DNASE2: variants seen among roughly 807,000 people sequenced by gnomAD.
The protein encoded by DNASE2 is deoxyribonuclease 2, lysosomal, also known as deoxyribonuclease-2-alpha.
DNASE2 carries 26 observed loss-of-function variants against 29.8 expected under a neutral mutation model. That is an observed-to-expected ratio of 0.87 (90% CI 0.64 to 1.21). The LOEUF is 1.21. DNASE2 is among the 50% of genes most tolerant of loss of function. The pLI is 0.00. For missense variants in DNASE2, 415 were observed against 455.6 expected, an observed-to-expected ratio of 0.91 and a Z score of 0.81; for synonymous variants, 186 against 193.5, an observed-to-expected ratio of 0.96 and a Z score of 0.32.
At chr19:12,876,893 G>T (rs1255750920) in intron 5 of DNASE2, among the ~76,000 whole-genome samples, 1 of 151,604 alleles carries the variant, frequency 6.6e-6, no homozygotes, top group Admixed American at 6.6e-5. Flanking sequence ...TGTAATCTCG[G>T]CACACTGCAA....
In DNASE2 at chr19:12,876,068, T is replaced by C. The variant is rs1970316395; in HGVS notation, c.1005A>G (p.Lys335=). The C allele has an allele frequency of 6.2e-7, 1 of 1,614,082 alleles. No individual in the cohort carries two copies. Among genetic ancestry groups the C allele is most frequent in the Non-Finnish European group, 8.5e-7 (1 of 1,180,008 alleles). ...TLCAQLPALW[K]AFQPLVKNYQ... ...AGTTCTTCACCAGCGGCTGGAAGGC[T>C]TTCCAGAGGGCTGGCAGCTGGGCAC... The change falls in exon 6 of 6, where the codon AAA becomes AAG. Residue 335 remains lysine, a synonymous_variant. Coordinates refer to ENST00000222219, the MANE Select transcript of DNASE2 (RefSeq NM_001375.3).
In DNASE2 at chr19:12,878,432, T is replaced by C; in HGVS notation, c.659A>G (p.Gln220Arg). 1.2e-6 allele frequency: 2 copies of C among 1,613,590 alleles called. No individual in the cohort carries two copies. The highest frequency in any genetic ancestry group is 8.5e-7 in the Non-Finnish European group (1 of 1,180,030). ...PWNSSITLTS[Q>R]AGAVFQSFAK... ...AAAGCTCTGGAAAACAGCCCCGGCC[T>C]GGGATGTGAGTGTGATGCTGCTGTT... Residue 220 changes from glutamine (Q) to arginine (R), a missense_variant, in exon 5 of 6, where the codon CAG becomes CGG. Gln to Arg is a conservative substitution (Grantham distance 43). Transcript: ENST00000222219.
In DNASE2 at chr19:12,876,216, C is replaced by G; in HGVS notation, c.857G>C (p.Gly286Ala). 6.2e-7 allele frequency: 1 copy of G among 1,614,200 alleles called. No homozygotes were observed. ...VNQIAFPGPA[G>A]PSFNSTEDHS... ...GTCCTCTGTGCTGTTGAAGCTTGGGCCGGCTGGTCCAGGGAAAGCTATCTG... is the reference window on the plus strand; with the variant it reads ...GTCCTCTGTGCTGTTGAAGCTTGGGGCGGCTGGTCCAGGGAAAGCTATCTG... Residue 286 changes from glycine to alanine, a missense_variant, in exon 6 of 6, where the codon GGC (glycine) becomes GCC (alanine). Coordinates refer to ENST00000222219, the MANE Select transcript of DNASE2 (RefSeq NM_001375.3).
chr19:12,876,302 G>A lies in DNASE2; in HGVS notation c.771C>T (p.His257=), dbSNP rs777083188. The A allele has an allele frequency of 1.2e-6, 2 of 1,614,068 alleles. No individual in the cohort carries two copies. The highest frequency in any genetic ancestry group is 1.7e-6 in the Non-Finnish European group (2 of 1,180,026). The change falls in exon 6 of 6, where the codon CAC becomes CAT. Residue 257 remains histidine, a synonymous_variant. Transcript: ENST00000222219. ...LGTNLQVQFW[H]KTVGILPSNC... is the part of the protein sequence containing the mutation. ...TAGAGGGCAGGATGCCTACAGTTTT[G>A]TGCCAGAACTGGACCTGCAGGTTGG... is the stretch of plus-strand genomic sequence containing the variant.
intron 3 of DNASE2, 116 bp from the exon 4 acceptor site, chr19:12,878,950 C>G (rs1362238565): frequency 1.5e-6 from 2 of 1,337,942 alleles, no homozygotes; most frequent in African/African-American, 2.9e-5. Context: ...AGAAATCAGC[C>G]TGGCCAACAT....
chr19:12,877,240 ATTAAC>A (rs1026536362), intron 5 of DNASE2, among the ~76,000 whole-genome samples: 11 of 151,636 alleles, frequency 7.3e-5, no homozygotes, highest in Admixed American at 2.0e-4. Flanking sequence ...TTTTTAATTA[ATTAAC>A]TTATTTATTT....
chr19:12,879,142 A>G (rs1970351139), intron 3 of DNASE2, among the ~76,000 whole-genome samples: 1 of 142,652 alleles, frequency 7.0e-6, no homozygotes, highest in African/African-American at 2.7e-5. Flanking sequence ...ATTTCATCTC[A>G]AACATAAGTA....
At chr19:12,880,933 C>G in intron 2 of DNASE2, 39 bp downstream of exon 2, 1 of 1,614,216 alleles carries the variant, frequency 6.2e-7, no homozygotes, top group Non-Finnish European at 8.5e-7. Context: ...CAGGGCAGCC[C>G]TAGAGTTTCG....
rs1470019748 is a variant in DNASE2 at position 12,881,423 on chromosome 19, C to T, written c.-48G>A. On this transcript the variant is annotated 5_prime_UTR_variant, in exon 1 of 6. Transcript: ENST00000222219. Reference sequence around the variant, plus strand: ...AGGAATCTGTGTCGGGACTGCGGGGCGCTGGGTTACATCAGAGGCCAGGAC... The same window carrying T: ...AGGAATCTGTGTCGGGACTGCGGGGTGCTGGGTTACATCAGAGGCCAGGAC... 2.6e-6 allele frequency: 4 copies of T among 1,546,918 alleles called. No individual in the cohort carries two copies. The highest frequency in any genetic ancestry group is 2.4e-5 in the East Asian group (1 of 40,922).
chr19:12,881,082 A>G lies in DNASE2; in HGVS notation c.157T>C (p.Tyr53His). ...CAGCCTCCGGAGCTCTCGTCCAGATACTTGTACTGCAGCCCTCTCTGCGCC... is the reference window on the plus strand; with the variant it reads ...CAGCCTCCGGAGCTCTCGTCCAGATGCTTGTACTGCAGCCCTCTCTGCGCC... ...EAAQRGLQYK[Y>H]LDESSGGWRD... The change falls in exon 2 of 6, where the codon TAT becomes CAT. Residue 53 changes from tyrosine (Y) to histidine (H), a missense_variant. Physicochemically the swap from Tyr to His is moderately conservative, Grantham distance 83. Transcript: ENST00000222219. The G allele has an allele frequency of 6.2e-7, 1 of 1,612,502 alleles. No individual in the cohort carries two copies. Among genetic ancestry groups the G allele is most frequent in the Non-Finnish European group, 8.5e-7 (1 of 1,179,992 alleles).
At chr19:12,880,528 C>T (rs980446934) in intron 3 of DNASE2, among the ~76,000 whole-genome samples, 11 of 151,872 alleles carry the variant, frequency 7.2e-5, no homozygotes, top group African/African-American at 2.7e-4. Context: ...TGTGATGGTG[C>T]GCCTTTAATA....
At position 12,875,516 on chromosome 19, in the gene DNASE2, C is replaced by T. The variant is rs926222302; in HGVS notation, c.*474G>A. On this transcript the variant is annotated 3_prime_UTR_variant, in exon 6 of 6. Transcript: ENST00000222219. ...AAGCGATTCTCCTGCCTCAGCCTCC[C>T]GAGGAGCTAGGACCACAGACGCGTG... The T allele has an allele frequency of 4.2e-5, 7 of 165,444 alleles. No individual in the cohort carries two copies. The highest frequency in any genetic ancestry group is 7.9e-5 in the Non-Finnish European group (6 of 75,596). 10.2% of individuals were successfully genotyped at this position (165,444 alleles called of 1,614,324 possible).
intron 3 of DNASE2, 129 bp from the exon 4 acceptor site, chr19:12,878,963 C>T (rs1016595068): frequency 1.5e-5 from 18 of 1,161,440 alleles, no homozygotes; most frequent in East Asian, 5.4e-5. Flanking sequence ...GCCAACATGG[C>T]GAAACCCCAT....
chr19:12,877,707 G>C (rs1970336968), intron 5 of DNASE2, among the ~76,000 whole-genome samples: 1 of 151,730 alleles, frequency 6.6e-6, no homozygotes, highest in South Asian at 2.1e-4. Context: ...CACCATGCCT[G>C]GCTAATTTTT....
chr19:12,881,224 G>GC, intron 1 of DNASE2, 66 bp downstream of exon 1: 1 of 1,608,848 alleles, frequency 6.2e-7, no homozygotes, highest in Non-Finnish European at 8.5e-7. Flanking sequence ...CGAGGAGGTA[G>GC]CCATCCCGGT....
At chr19:12,879,903 A>G (rs934344002) in intron 3 of DNASE2, among the ~76,000 whole-genome samples, 4 of 151,984 alleles carry the variant, frequency 2.6e-5, no homozygotes, top group Non-Finnish European at 5.9e-5. Flanking sequence ...CAGGAGTTCA[A>G]TATCAGCCTG....
Position 12,878,722 on chromosome 19 carries a change from G to C in DNASE2, c.459C>G (p.Tyr153Ter). The change falls in exon 4 of 6, where the codon TAC becomes TAG. Residue 153 changes from tyrosine to a stop codon, truncating the protein, a stop_gained. Coordinates refer to ENST00000222219, the MANE Select transcript of DNASE2 (RefSeq NM_001375.3). LOFTEE classifies it high-confidence loss of function. Reference protein sequence around the residue: ...AYSWPHSACTYGQTLLCVSFP... With the variant: ...AYSWPHSACT ...AAGACACACAGAGCAGGGTCTGCCC[G>C]TAGGTACAGGCGCTATGAGGCCAGC... 2 of 1,614,112 alleles carry C rather than the reference G, an allele frequency of 1.2e-6. No individual in the cohort carries two copies. Among genetic ancestry groups the C allele is most frequent in the Non-Finnish European group, 1.7e-6 (2 of 1,180,000 alleles).
In DNASE2 at chr19:12,881,343, G is replaced by T. The variant is rs1190744147; in HGVS notation, c.33C>A (p.Cys11Ter). The T allele has an allele frequency of 1.3e-6, 2 of 1,566,152 alleles. No individual in the cohort carries two copies. Among genetic ancestry groups the T allele is most frequent in the African/African-American group, 1.4e-5 (1 of 73,744 alleles). MIPLLLAALL[C>*]VPAGALTCYG... is the part of the protein sequence containing the mutation. Reference sequence around the variant, plus strand: ...AGCAGGTCAGGGCCCCGGCGGGGACGCACAGCAGCGCTGCCAGCAGCAGCG... The same window carrying T: ...AGCAGGTCAGGGCCCCGGCGGGGACTCACAGCAGCGCTGCCAGCAGCAGCG... The change falls in exon 1 of 6, where the codon TGC becomes TGA. Residue 11 changes from cysteine (C) to a stop codon, truncating the protein, a stop_gained. Coordinates refer to ENST00000222219, the MANE Select transcript of DNASE2 (RefSeq NM_001375.3). LOFTEE classifies it high-confidence loss of function.
Position 12,875,748 on chromosome 19 carries a change from G to T in DNASE2, c.*242C>A. 8.7e-6 allele frequency: 3 copies of T among 345,642 alleles called. No homozygotes were observed. Among genetic ancestry groups the T allele is most frequent in the East Asian group, 5.9e-5 (1 of 17,026 alleles). The allele number at this position is 345,642 out of a possible 1,614,324, so 21.4% of individuals were successfully genotyped here. A position where few individuals can be genotyped will look rare whatever the true frequency, so the allele number is the denominator to read the frequency against. ...AGAGTCTTGCTATGTGACCCAGGTTGGCGTAATCATAGTTCACTGTGACCA... is the reference window on the plus strand; with the variant it reads ...AGAGTCTTGCTATGTGACCCAGGTTTGCGTAATCATAGTTCACTGTGACCA... On this transcript the variant is annotated 3_prime_UTR_variant, in exon 6 of 6. Coordinates refer to ENST00000222219, the MANE Select transcript of DNASE2 (RefSeq NM_001375.3).
Sources: gnomAD v4.1 joint callset for allele counts (sites outside exome capture counted in the v4.1 genomes callset) on GRCh38, gnomAD v4.1.1 for gene constraint, MANE v1.5 for transcripts, NCBI Gene and HGNC (gene_info 2026-07-23, HGNC 2026-07-21) for gene names.